Variants in SECISBP2L observed in about 807,000 individuals in gnomAD.
The protein encoded by SECISBP2L is selenocysteine insertion sequence-binding protein 2-like.
SECISBP2L carries 43 observed loss-of-function variants against 114.7 expected under a neutral mutation model. The observed-to-expected ratio is 0.38, with a 90% CI of 0.29 to 0.48. SECISBP2L has a LOEUF of 0.48. Ranked by LOEUF, SECISBP2L falls within the 20% of genes least tolerant of loss-of-function variation. The probability of loss-of-function intolerance (pLI) is 0.98; values close to 1 mark genes in which losing one functional copy is unlikely to be tolerated. For missense variants in SECISBP2L, 1,136 were observed against 1,301.1 expected (o/e 0.87, Z 1.95); for synonymous variants, 451 against 439.7 (o/e 1.03, Z -0.32).
chr15:49,039,420 T>C (rs1903074609), intron 1 of SECISBP2L, among the ~76,000 whole-genome samples: 1 of 151,620 alleles, frequency 6.6e-6, no homozygotes, highest in East Asian at 1.9e-4. Flanking sequence ...GCAAAGATAA[T>C]GGAAGCTTGC....
Position 49,020,034 on chromosome 15 carries a change from AGATCAGTGGATT to A in SECISBP2L, c.1036-494_1036-483del, listed in dbSNP as rs561136039. On this transcript the variant is annotated intron_variant, in intron 7 of 17. Coordinates refer to ENST00000559471, the MANE Select transcript of SECISBP2L (RefSeq NM_001193489.2). ...AACAACAAAATTAGAAAGGGAGAAT[AGATCAGTGGATT>A]CTAGGGGATAAGGAGCAGTTGGTGT... Among the ~76,000 whole-genome samples, 144 of 152,360 alleles carry A rather than the reference AGATCAGTGGATT, an allele frequency of 9.5e-4. 1 individual carries two copies. Among genetic ancestry groups the A allele is most frequent in the Admixed American group, 4.1e-3 (62 of 15,302 alleles).
chr15:48,992,187 A>ACTG lies in SECISBP2L; in HGVS notation c.*56_*57insCAG. 1.3e-6 allele frequency: 2 copies of ACTG among 1,490,318 alleles called. No homozygotes were observed. Among genetic ancestry groups the ACTG allele is most frequent in the Non-Finnish European group, 1.8e-6 (2 of 1,104,732 alleles). 92.3% of individuals were successfully genotyped at this position (1,490,318 alleles called of 1,614,324 possible). ...GTGCAAAATGTTGAGATGAAGCATA[A>ACTG]AAGGTAATGGCTGCAACCCTTCCAC... On this transcript the variant is annotated 3_prime_UTR_variant, in exon 18 of 18. Transcript: ENST00000559471.
At chr15:49,000,339 C>T (rs1902175992) in intron 15 of SECISBP2L, among the ~76,000 whole-genome samples, 2 of 152,166 alleles carry the variant, frequency 1.3e-5, no homozygotes, top group Admixed American at 1.3e-4. Flanking sequence ...GAAAAGATCT[C>T]TCACAATGCA....
chr15:49,034,244 A>G (rs1483934729), intron 3 of SECISBP2L, among the ~76,000 whole-genome samples: 3 of 152,200 alleles, frequency 2.0e-5, no homozygotes, highest in Non-Finnish European at 4.4e-5. Flanking sequence ...TGATGTACTC[A>G]TAAGATATGT....
chr15:49,007,122 G>A (rs975542570), intron 14 of SECISBP2L, among the ~76,000 whole-genome samples: 9 of 152,254 alleles, frequency 5.9e-5, no homozygotes, highest in East Asian at 3.9e-4. Flanking sequence ...TATCACCAGC[G>A]GAGGCTACAG....
intron 14 of SECISBP2L, among the ~76,000 whole-genome samples, chr15:49,007,810 G>C (rs554323198): frequency 6.6e-6 from 1 of 152,252 alleles, no homozygotes. Flanking sequence ...ATAAAAGTAA[G>C]GAGCTAGGTA....
intron 11 of SECISBP2L, among the ~76,000 whole-genome samples, chr15:49,013,968 C>G (rs1374582131): frequency 1.3e-5 from 2 of 152,168 alleles, no homozygotes; most frequent in Admixed American, 6.5e-5. Flanking sequence ...AAAAGGCACA[C>G]CAACTAAACC....
At chr15:49,013,584 T>C (rs1452397642) in intron 11 of SECISBP2L, among the ~76,000 whole-genome samples, 1 of 152,176 alleles carries the variant, frequency 6.6e-6, no homozygotes, top group African/African-American at 2.4e-5. Context: ...CGTGAGCCAC[T>C]ACACCCGGCC....
At chr15:49,022,296 A>C (rs960923834) in intron 7 of SECISBP2L, among the ~76,000 whole-genome samples, 8 of 152,030 alleles carry the variant, frequency 5.3e-5, no homozygotes, top group Non-Finnish European at 7.4e-5. Flanking sequence ...ACCACTTCTA[A>C]AGAACACAAA....
chr15:48,994,884 C>A (rs1902057160), intron 17 of SECISBP2L, among the ~76,000 whole-genome samples: 1 of 148,388 alleles, frequency 6.7e-6, no homozygotes, highest in African/African-American at 2.5e-5. Context: ...AAAATTTTCC[C>A]ACATATATTT....
chr15:49,036,693 G>A (rs1903015128), intron 2 of SECISBP2L, among the ~76,000 whole-genome samples: 1 of 152,152 alleles, frequency 6.6e-6, no homozygotes, highest in South Asian at 2.1e-4. Context: ...TAACCCTCAA[G>A]ACTCTTGATT....
Position 48,992,793 on chromosome 15 carries a change from C to T in SECISBP2L, c.2757G>A (p.Lys919=). The change falls in exon 18 of 18, where the codon AAG becomes AAA. Residue 919 remains lysine, a synonymous_variant. Transcript: ENST00000559471. ...TGCCTGTAGCCACTAATGATGGCTG[C>T]TTACCAATTGGGGGTGTGTCAAATG... ...KLPFDTPPIG[K]QPSLVATGST... is the part of the protein sequence containing the mutation. 6.2e-7 allele frequency: 1 copy of T among 1,614,192 alleles called. No homozygotes were observed.
At position 49,009,246 on chromosome 15, in the gene SECISBP2L, A is replaced by G. The variant is rs1257309460; in HGVS notation, c.1997T>C (p.Ile666Thr). The change falls in exon 14 of 18, where the codon ATA (isoleucine) becomes ACA (threonine). Residue 666 changes from isoleucine (I) to threonine (T), a missense_variant. This residue lies in a region of SECISBP2L where 684 missense variants were observed against 848.7 expected (regional missense o/e 0.81). Transcript: ENST00000559471. Reference sequence around the variant, plus strand: ...AAATCTTTTGCTGTGGATTTTGGTTATTGTTGAAGATGCCATTGGACTGCC... The same window carrying G: ...AAATCTTTTGCTGTGGATTTTGGTTGTTGTTGAAGATGCCATTGGACTGCC... The part of the protein sequence containing the change: ...GIGSPMASST[I>T]TKIHSKRFRE... 3.1e-6 allele frequency: 5 copies of G among 1,614,098 alleles called. No individual in the cohort carries two copies. In the Admixed American group the frequency reaches 6.7e-5, roughly 22 times the overall value.
chr15:49,025,449 G>A (rs934305241), intron 7 of SECISBP2L, among the ~76,000 whole-genome samples: 2 of 152,066 alleles, frequency 1.3e-5, no homozygotes, highest in Admixed American at 6.6e-5. Context: ...GCACATAGCC[G>A]GAAGGTAATT....
At chr15:49,006,564 C>T (rs745991341) in intron 14 of SECISBP2L, among the ~76,000 whole-genome samples, 1 of 152,078 alleles carries the variant, frequency 6.6e-6, no homozygotes, top group Non-Finnish European at 1.5e-5. Flanking sequence ...GTGTATGCTT[C>T]AGGAAGTTCT....
chr15:48,996,536 A>G lies in SECISBP2L; in HGVS notation c.2454T>C (p.Tyr818=). Residue 818 remains tyrosine, a synonymous_variant, in exon 17 of 18, where the codon TAT becomes TAC. Transcript: ENST00000559471. ...GTTCCATTGCTGCAACCATATCTTTATATGCTTTCCTGGCCTCCTCAGTGA... is the reference window on the plus strand; with the variant it reads ...GTTCCATTGCTGCAACCATATCTTTGTATGCTTTCCTGGCCTCCTCAGTGA... The part of the protein sequence containing the change: ...VELTEEARKA[Y]KDMVAAMEQE... 7 of 1,614,138 alleles carry G rather than the reference A, an allele frequency of 4.3e-6. No homozygotes were observed. The South Asian group carries it at 7.7e-5, about 18-fold the overall frequency.
intron 17 of SECISBP2L, among the ~76,000 whole-genome samples, chr15:48,994,593 G>A (rs933986426): frequency 6.6e-6 from 1 of 152,100 alleles, no homozygotes; most frequent in African/African-American, 2.4e-5. Context: ...TACTCTTTCT[G>A]CAGATGTGTT....
At chr15:49,019,580 AT>A in intron 7 of SECISBP2L, 28 bp from the exon 8 acceptor site, 1 of 1,426,722 alleles carries the variant, frequency 7.0e-7, no homozygotes. Flanking sequence ...GGGAAAAAAA[AT>A]CTAATTATTT....
chr15:49,035,172 G>T (rs1162141889), intron 3 of SECISBP2L, among the ~76,000 whole-genome samples, 162 bp downstream of exon 3: 1 of 152,230 alleles, frequency 6.6e-6, no homozygotes, highest in African/African-American at 2.4e-5. Context: ...ACAACACAAA[G>T]AAAATTATTT....
Sources: gnomAD v4.1 joint callset for allele counts (sites outside exome capture counted in the v4.1 genomes callset) on GRCh38, gnomAD v4.1.1 for gene constraint, gnomAD v4.1.1 regional missense constraint, MANE v1.5 for transcripts, NCBI Gene and HGNC (gene_info 2026-07-23, HGNC 2026-07-21) for gene names.